The following ZNF737 variants were observed in gnomAD, a reference collection of about 807,000 sequenced individuals.
The protein encoded by ZNF737 is zinc finger protein 102 (Y3).
A neutral mutation model predicts 11.7 loss-of-function variants in ZNF737; 13 were observed. The ratio of observed to expected loss-of-function variants is 1.11; its 90% CI spans 0.73 to 1.77. The LOEUF is 1.77. Among genes scored for constraint, ZNF737 ranks in the 40% most tolerant of loss-of-function variants. The pLI is 0.00. For synonymous variants in ZNF737, 217 were observed against 216.2 expected (o/e 1.00, Z -0.03); for missense variants, 636 against 638.0 (o/e 1.00, Z 0.03).
rs1224733412 is a variant in ZNF737, at chr19:20,552,517, GT to G, written c.183del (p.Lys61AsnfsTer3). 5.6e-6 allele frequency: 9 copies of G among 1,594,454 alleles called. 1 individual carries two copies. The highest frequency in any genetic ancestry group is 3.3e-4 in the Middle Eastern group (2 of 6,014). On this transcript the variant is annotated frameshift_variant, in exon 3 of 4. Transcript: ENST00000427401. LOFTEE classifies it low-confidence loss of function (END_TRUNC). Reference sequence around the variant, plus strand: ...ATCTCATGTTTCTTCATGGTCAAAGGTTTTTTTCCTTGCTCCAGACAGGTGA... The same window carrying G: ...ATCTCATGTTTCTTCATGGTCAAAGGTTTTTTCCTTGCTCCAGACAGGTGA... Reference protein sequence around the residue: ...DLITCLEQGKKPLTMKKHEMV... With the variant: ...DLITCLEQGKXPLTMKKHEMV...
chr19:20,565,206 A>ATTAC (rs1354563596), intron 1 of ZNF737, among the ~76,000 whole-genome samples: 13 of 152,186 alleles, frequency 8.5e-5, no homozygotes, highest in African/African-American at 2.4e-4. Context: ...AAGTGCTGGG[A>ATTAC]TTACAGGCGT....
chr19:20,530,832 C>T (rs1214433776), downstream of ZNF737, among the ~76,000 whole-genome samples: 7 of 147,762 alleles, frequency 4.7e-5, no homozygotes, highest in South Asian at 2.2e-4. Flanking sequence ...GGGTGGCGGC[C>T]GGGCAGAGGC....
At position 20,543,854 on chromosome 19, in the gene ZNF737, G is replaced by A. The variant is rs117333127; in HGVS notation, c.*738C>T. On this transcript the variant is annotated 3_prime_UTR_variant, in exon 4 of 4. Transcript: ENST00000427401. ...AAGAATTGAGAACTTGTGGCTGGGCGTCGTGGCTCACGCCTGTAATCCCAG... is the reference window on the plus strand; with the variant it reads ...AAGAATTGAGAACTTGTGGCTGGGCATCGTGGCTCACGCCTGTAATCCCAG... The A allele has an allele frequency of 0.055, 54,209 of 984,370 alleles. 1,669 individuals carry two copies. Among genetic ancestry groups the A allele is most frequent in the Middle Eastern group, 0.13 (247 of 1,906 alleles). 61.0% of individuals were successfully genotyped at this position (984,370 alleles called of 1,614,324 possible). A position where few individuals can be genotyped will look rare whatever the true frequency, so the allele number is the denominator to read the frequency against.
downstream of ZNF737, among the ~76,000 whole-genome samples, chr19:20,536,699 T>G (rs146471790): frequency 2.8e-3 from 430 of 152,228 alleles, 5 homozygotes; most frequent in African/African-American, 9.9e-3. Flanking sequence ...CCCAGCACTT[T>G]GGGAGGCTGA....
downstream of ZNF737, among the ~76,000 whole-genome samples, chr19:20,537,199 TTTTTTC>T (rs1968002495): frequency 6.6e-6 from 1 of 151,964 alleles, no homozygotes; most frequent in Non-Finnish European, 1.5e-5. Context: ...TGGTTTTTTT[TTTTTTC>T]TTTTTCTTTT....
intron 3 of ZNF737, among the ~76,000 whole-genome samples, chr19:20,550,668 T>A (rs536173765): frequency 6.6e-6 from 1 of 152,132 alleles, no homozygotes; most frequent in South Asian, 2.1e-4. Context: ...GGTTGGAAAA[T>A]TGCTTCAGGC....
At position 20,543,353 on chromosome 19, in the gene ZNF737, T is replaced by C; in HGVS notation, c.*1239A>G. 1 of 986,482 alleles carries C rather than the reference T, an allele frequency of 1.0e-6. No individual in the cohort carries two copies. The highest frequency in any genetic ancestry group is 1.2e-6 in the Non-Finnish European group (1 of 829,744). 61.1% of individuals were successfully genotyped at this position (986,482 alleles called of 1,614,324 possible). ...AGATCTGTGATACTAGTAAATGTAC[T>C]ATGTAACTCCCTTTATATTTGTAAT... On this transcript the variant is annotated 3_prime_UTR_variant, in exon 4 of 4. Transcript: ENST00000427401.
chr19:20,551,108 T>C (rs1568431147), intron 3 of ZNF737: 1 of 152,208 alleles, frequency 6.6e-6, no homozygotes, highest in Non-Finnish European at 1.5e-5. Flanking sequence ...CCACAGTTTA[T>C]GGTCAGTTCT....
rs1968253690 is a variant in ZNF737, at chr19:20,542,524, G to A, written c.*2068C>T. 1 of 980,670 alleles carries A rather than the reference G, an allele frequency of 1.0e-6. No individual in the cohort carries two copies. Among genetic ancestry groups the A allele is most frequent in the African/African-American group, 1.8e-5 (1 of 57,096 alleles). 60.7% of individuals were successfully genotyped at this position (980,670 alleles called of 1,614,324 possible). A position where few individuals can be genotyped will look rare whatever the true frequency, so the allele number is the denominator to read the frequency against. On this transcript the variant is annotated 3_prime_UTR_variant, in exon 4 of 4. Transcript: ENST00000427401. ...TGAAATTACAGGCATGAGCCATCAAGCCCGGCCCTAACAGTTTTAAAATGC... is the reference window on the plus strand; with the variant it reads ...TGAAATTACAGGCATGAGCCATCAAACCCGGCCCTAACAGTTTTAAAATGC...
At position 20,538,549 on chromosome 19, in the gene ZNF737, G is replaced by C. The variant is rs1222337614; in HGVS notation, c.*6043C>G. 1.4e-6 allele frequency: 1 copy of C among 724,770 alleles called. No homozygotes were observed. Among genetic ancestry groups the C allele is most frequent in the Non-Finnish European group, 1.7e-6 (1 of 592,164 alleles). 44.9% of individuals were successfully genotyped at this position (724,770 alleles called of 1,614,324 possible). ...TGTTCAGTGTACTCGTGGCAAAACT[G>C]CTTTCTGCAAAAAGTAAAAATGGCC... On this transcript the variant is annotated 3_prime_UTR_variant, in exon 4 of 4. Transcript: ENST00000427401.
downstream of ZNF737, among the ~76,000 whole-genome samples, chr19:20,536,472 A>C (rs1254284843): frequency 1.3e-5 from 2 of 152,106 alleles, no homozygotes; most frequent in African/African-American, 4.8e-5. Context: ...TCAGTGAAAA[A>C]CAGGCCAGCA....
chr19:20,550,113 T>C (rs1968611702), intron 3 of ZNF737, among the ~76,000 whole-genome samples: 1 of 152,076 alleles, frequency 6.6e-6, no homozygotes, highest in Admixed American at 6.6e-5. Flanking sequence ...AAGAAACTAG[T>C]TCCTTTTAAT....
At chr19:20,546,083 A>C (rs1266888389) in intron 3 of ZNF737, 107 bp from the exon 4 acceptor site, 8 of 1,306,794 alleles carry the variant, frequency 6.1e-6, no homozygotes, top group Non-Finnish European at 8.2e-6. Flanking sequence ...AAGATGACAC[A>C]GCAAAATACC....
In ZNF737 at chr19:20,542,655, A is replaced by C; in HGVS notation, c.*1937T>G. The C allele has an allele frequency of 7.1e-6, 7 of 981,838 alleles. No individual in the cohort carries two copies. Among genetic ancestry groups the C allele is most frequent in the East Asian group, 1.1e-4 (1 of 8,810 alleles). The allele number at this position is 981,838 out of a possible 1,614,324, so 60.8% of individuals were successfully genotyped here. A position where few individuals can be genotyped will look rare whatever the true frequency, so the allele number is the denominator to read the frequency against. The stretch of plus-strand genomic sequence containing the variant: ...GTCACTATAATAAAGTATTGCTCTG[A>C]ACATTTACGTTATACATTACTTAAT... On this transcript the variant is annotated 3_prime_UTR_variant, in exon 4 of 4. Transcript: ENST00000427401.
rs1968311786 is a variant in ZNF737, at chr19:20,543,704, T to C, written c.*888A>G. On this transcript the variant is annotated 3_prime_UTR_variant, in exon 4 of 4. Transcript: ENST00000427401. ...AAGGCTTTGTCACATTTTATATATT[T>C]CTAGGGTTTCACACTAGTATAATTA... 1.0e-6 allele frequency: 1 copy of C among 985,400 alleles called. No homozygotes were observed. The highest frequency in any genetic ancestry group is 4.7e-5 in the South Asian group (1 of 21,294). 61.0% of individuals were successfully genotyped at this position (985,400 alleles called of 1,614,324 possible). A position where few individuals can be genotyped will look rare whatever the true frequency, so the allele number is the denominator to read the frequency against.
chr19:20,544,707 T>A lies in ZNF737; in HGVS notation c.1496A>T (p.His499Leu). 6.2e-7 allele frequency: 1 copy of A among 1,606,960 alleles called. No individual in the cohort carries two copies. The highest frequency in any genetic ancestry group is 8.5e-7 in the Non-Finnish European group (1 of 1,177,530). Reference sequence around the variant, plus strand: ...TTTCTCTCCAGTATGAATTCTCTTATGTCTAGTAAGGATAAAGGAGCGCTT... The same window carrying A: ...TTTCTCTCCAGTATGAATTCTCTTAAGTCTAGTAAGGATAAAGGAGCGCTT... ...AFKRSFILTR[H>L]KRIHTGEKPY... The change falls in exon 4 of 4, where the codon CAT becomes CTT. Residue 499 changes from histidine to leucine, a missense_variant. Transcript: ENST00000427401.
At position 20,541,209 on chromosome 19, in the gene ZNF737, G is replaced by A; in HGVS notation, c.*3383C>T. The A allele has an allele frequency of 6.1e-6, 6 of 983,076 alleles. No homozygotes were observed. Among genetic ancestry groups the A allele is most frequent in the Non-Finnish European group, 7.2e-6 (6 of 827,908 alleles). 60.9% of individuals were successfully genotyped at this position (983,076 alleles called of 1,614,324 possible). ...GTTAATCACCTAAATAACATAATTT[G>A]TTTTGTTGCAGTAATTGCTTTTATT... On this transcript the variant is annotated 3_prime_UTR_variant, in exon 4 of 4. Transcript: ENST00000427401.
downstream of ZNF737, among the ~76,000 whole-genome samples, chr19:20,533,314 G>A (rs1555753219): frequency 2.0e-5 from 3 of 148,876 alleles, 1 homozygote; most frequent in Admixed American, 1.3e-4. Context: ...AAAGGTTTTT[G>A]TATTACTGTT....
In ZNF737 at chr19:20,552,466, T is replaced by C. The variant is rs7251976; in HGVS notation, c.226+9A>G. Reference sequence around the variant, plus strand: ...GTCGTCTGCTATATTCATTTTCACTTGCACCTACCTGAGGGGTTGGCTACC... The same window carrying C: ...GTCGTCTGCTATATTCATTTTCACTCGCACCTACCTGAGGGGTTGGCTACC... On this transcript the variant is annotated intron_variant, in intron 3 of 3. Transcript: ENST00000427401. 670,202 of 1,562,244 alleles carry C rather than the reference T, an allele frequency of 0.43. 145,470 individuals carry two copies. The highest frequency in any genetic ancestry group is 0.54 in the Admixed American group (26,790 of 49,476).
Sources: allele counts gnomAD v4.1 joint callset (sites outside exome capture counted in the v4.1 genomes callset), GRCh38; gene constraint gnomAD v4.1.1; transcripts MANE v1.5; gene names NCBI Gene and HGNC (gene_info 2026-07-23, HGNC 2026-07-21).